Variants in SLIT3 observed in about 807,000 individuals in gnomAD.
SLIT3 encodes the protein slit homolog 3 protein.
Under a neutral mutation model 184.0 loss-of-function variants are expected in SLIT3, and 68 were observed. The observed-to-expected ratio is 0.37, with a 90% CI of 0.30 to 0.45. The LOEUF is 0.45. SLIT3 is among the 20% of genes least tolerant of loss of function. The probability of loss-of-function intolerance (pLI) is 1.00; values close to 1 mark genes in which losing one functional copy is unlikely to be tolerated. For synonymous variants in SLIT3, 831 were observed against 828.6 expected, an observed-to-expected ratio of 1.00 and a Z score of -0.05; for missense variants, 1,707 against 2,026.0, an observed-to-expected ratio of 0.84 and a Z score of 3.02.
intron 20 of SLIT3, among the ~76,000 whole-genome samples, chr5:168,734,925 G>A (rs528948699): frequency 7.4e-4 from 113 of 152,296 alleles, no homozygotes; most frequent in African/African-American, 2.5e-3. Flanking sequence ...GAATGTCCCC[G>A]GCGACCTGGC....
At chr5:168,774,848 G>A (rs1755688778) in intron 12 of SLIT3, among the ~76,000 whole-genome samples, 1 of 152,106 alleles carries the variant, frequency 6.6e-6, no homozygotes, top group Non-Finnish European at 1.5e-5. Context: ...AAAGTTATAT[G>A]TCATCCTCCT....
chr5:168,872,622 TTTCTTC>T (rs751903765), intron 5 of SLIT3, among the ~76,000 whole-genome samples: 2,473 of 144,102 alleles, frequency 0.017, 24 homozygotes, highest in East Asian at 0.039. Context: ...ACTTTCTTCT[TTTCTTC>T]TTCTTCTTCT....
At chr5:168,882,563 G>C (rs1200156922) in intron 5 of SLIT3, among the ~76,000 whole-genome samples, 1 of 152,186 alleles carries the variant, frequency 6.6e-6, no homozygotes, top group Non-Finnish European at 1.5e-5. Flanking sequence ...GAAGACTAAG[G>C]TCTGTGGATT....
chr5:169,038,245 A>T (rs191364554), intron 4 of SLIT3, among the ~76,000 whole-genome samples: 2 of 152,330 alleles, frequency 1.3e-5, no homozygotes, highest in East Asian at 3.9e-4. Flanking sequence ...TCATTTGATT[A>T]TCATTAAACC....
At position 168,798,220 on chromosome 5, in the gene SLIT3, C is replaced by CTTTTTTTTTTTTTTTTTTTTTTTTTT. The variant is rs575178855; in HGVS notation, c.936-2643_936-2642insAAAAAAAAAAAAAAAAAAAAAAAAAA. Among the ~76,000 whole-genome samples the CTTTTTTTTTTTTTTTTTTTTTTTTTT allele has an allele frequency of 8.8e-4, 99 of 112,242 alleles. 12 individuals carry two copies. Among genetic ancestry groups the CTTTTTTTTTTTTTTTTTTTTTTTTTT allele is most frequent in the African/African-American group, 3.0e-3 (72 of 24,084 alleles). 73.6% of individuals were successfully genotyped at this position (112,242 alleles called of 152,430 possible). ...CTTTTGGTTTTCTTTTCTTCTTCTT[C>CTTTTTTTTTTTTTTTTTTTTTTTTTT]TTCTTTTTTTTTTTTTTTTAAGAGA... On this transcript the variant is annotated intron_variant, in intron 9 of 35. Coordinates refer to ENST00000519560, the MANE Select transcript of SLIT3 (RefSeq NM_003062.4).
chr5:168,882,870 C>T (rs888732815), intron 5 of SLIT3, among the ~76,000 whole-genome samples: 2 of 152,108 alleles, frequency 1.3e-5, no homozygotes, highest in Non-Finnish European at 1.5e-5. Flanking sequence ...TGATTGACCA[C>T]GTACTATGTA....
At chr5:168,746,647 T>G (rs1453018450) in intron 20 of SLIT3, among the ~76,000 whole-genome samples, 1 of 33,326 alleles carries the variant, frequency 3.0e-5, no homozygotes, top group Non-Finnish European at 5.4e-5. Context: ...TGTAGTGGTG[T>G]GGGTGTGTGG....
At chr5:168,831,913 G>A (rs546178378) in intron 6 of SLIT3, among the ~76,000 whole-genome samples, 20 of 152,202 alleles carry the variant, frequency 1.3e-4, no homozygotes, top group Non-Finnish European at 2.6e-4. Context: ...CAATACCTCC[G>A]AAAAATGTTA....
chr5:169,232,436 G>A (rs1765038710), intron 3 of SLIT3, among the ~76,000 whole-genome samples: 1 of 152,110 alleles, frequency 6.6e-6, no homozygotes, highest in South Asian at 2.1e-4. Context: ...TGTTGGTCAG[G>A]CTGGTCTCAA....
intron 4 of SLIT3, among the ~76,000 whole-genome samples, chr5:169,182,157 A>G (rs866048911): frequency 2.0e-5 from 3 of 152,332 alleles, no homozygotes; most frequent in Middle Eastern, 6.8e-3. Flanking sequence ...CTTCATCACC[A>G]TAAGTAGGGT....
chr5:169,271,052 C>T (rs1766590386), intron 1 of SLIT3, among the ~76,000 whole-genome samples: 1 of 152,138 alleles, frequency 6.6e-6, no homozygotes, highest in African/African-American at 2.4e-5. Flanking sequence ...CAACAGTATA[C>T]AGTGAAAATG....
At chr5:169,200,348 C>A (rs546204440) in intron 3 of SLIT3, among the ~76,000 whole-genome samples, 2 of 152,194 alleles carry the variant, frequency 1.3e-5, no homozygotes, top group Non-Finnish European at 2.9e-5. Flanking sequence ...CAATTGTTTC[C>A]CCTTCCCCAG....
intron 30 of SLIT3, 138 bp downstream of exon 30, chr5:168,686,841 G>A: frequency 3.3e-6 from 3 of 916,292 alleles, no homozygotes; most frequent in Non-Finnish European, 5.1e-6. Context: ...AAGGTATCAG[G>A]GGAATAAAGG....
intron 4 of SLIT3, among the ~76,000 whole-genome samples, chr5:168,891,265 C>A (rs1760447077): frequency 6.6e-6 from 1 of 152,128 alleles, no homozygotes; most frequent in Admixed American, 6.5e-5. Context: ...GTGGGATAGG[C>A]AGAGGCACAG....
intron 1 of SLIT3, among the ~76,000 whole-genome samples, chr5:169,292,091 T>G (rs1430753839): frequency 6.6e-6 from 1 of 152,174 alleles, no homozygotes; most frequent in Non-Finnish European, 1.5e-5. Context: ...TGCTTCATTC[T>G]TCATCATGTC....
At chr5:168,671,508 G>A (rs1357822950) in intron 33 of SLIT3, 25 bp from the exon 34 acceptor site, 2 of 1,596,940 alleles carry the variant, frequency 1.3e-6, no homozygotes, top group Non-Finnish European at 1.7e-6. Flanking sequence ...CCAGGACAGT[G>A]GCCTGAAGAC....
chr5:168,706,145 C>T (rs1309074102), intron 26 of SLIT3, among the ~76,000 whole-genome samples: 1 of 152,216 alleles, frequency 6.6e-6, no homozygotes, highest in African/African-American at 2.4e-5. Context: ...GCCTATTCCA[C>T]ACCCAGGTAT....
At chr5:169,036,771 C>T (rs1308871544) in intron 4 of SLIT3, among the ~76,000 whole-genome samples, 1 of 152,126 alleles carries the variant, frequency 6.6e-6, no homozygotes, top group East Asian at 1.9e-4. Context: ...CTTAATTACA[C>T]AGGAGTCTAG....
chr5:169,043,488 C>T (rs955851905), intron 4 of SLIT3, among the ~76,000 whole-genome samples: 2 of 152,134 alleles, frequency 1.3e-5, no homozygotes, highest in Non-Finnish European at 2.9e-5. Flanking sequence ...AATAGAAACA[C>T]CCAACTAAAA....
Sources: gnomAD v4.1 joint callset for allele counts (sites outside exome capture counted in the v4.1 genomes callset) on GRCh38, gnomAD v4.1.1 for gene constraint, MANE v1.5 for transcripts, NCBI Gene and HGNC (gene_info 2026-07-23, HGNC 2026-07-21) for gene names.